The following ENTREP2 variants were observed in gnomAD, a reference collection of about 807,000 sequenced individuals.
ENTREP2 encodes protein ENTREP2.
At chr15:29,341,608 GC>G in the ENTREP2 span, among the ~76,000 whole-genome samples, 3 of 152,204 alleles carry the variant, frequency 2.0e-5, no homozygotes, top group East Asian at 5.8e-4. Context: ...CAGGACCCCT[GC>G]CCCTTGAAAG....
At chr15:29,315,520 A>T in the ENTREP2 span, among the ~76,000 whole-genome samples, 4 of 152,220 alleles carry the variant, frequency 2.6e-5, no homozygotes, top group Non-Finnish European at 5.9e-5. Context: ...GCCATATGGA[A>T]AAAGAAAAAT....
At chr15:29,358,277 T>C in the ENTREP2 span, among the ~76,000 whole-genome samples, 1 of 152,106 alleles carries the variant, frequency 6.6e-6, no homozygotes, top group Non-Finnish European at 1.5e-5. Context: ...GAGCTACACA[T>C]GAACACGTAT....
the ENTREP2 span, among the ~76,000 whole-genome samples, chr15:29,543,477 C>T: frequency 6.6e-6 from 1 of 152,118 alleles, no homozygotes; most frequent in Non-Finnish European, 1.5e-5. Flanking sequence ...ATACCTCAGG[C>T]TTAAAAAAAG....
chr15:29,570,220 G>A, the ENTREP2 span, among the ~76,000 whole-genome samples: 1 of 151,110 alleles, frequency 6.6e-6, no homozygotes, highest in Non-Finnish European at 1.5e-5. Flanking sequence ...TCCGGCCGCT[G>A]CGGGCTCGGA....
At chr15:29,577,349 T>TGTGTGTGAGAGA in the ENTREP2 span, among the ~76,000 whole-genome samples, 14 of 144,336 alleles carry the variant, frequency 9.7e-5, no homozygotes, top group African/African-American at 3.6e-4. Context: ...TGTGTGTGTG[T>TGTGTGTGAGAGA]GAGAGAGAGA....
At chr15:29,244,393 A>T in the ENTREP2 span, among the ~76,000 whole-genome samples, 6 of 152,264 alleles carry the variant, frequency 3.9e-5, no homozygotes, top group Non-Finnish European at 8.8e-5. Flanking sequence ...AGGGTGTTAA[A>T]AAATTCCAGT....
At chr15:29,654,416 A>T in the ENTREP2 span, among the ~76,000 whole-genome samples, 2 of 152,192 alleles carry the variant, frequency 1.3e-5, no homozygotes, top group Non-Finnish European at 2.9e-5. Context: ...CATTCATTGT[A>T]TACTGAAAGT....
At chr15:29,405,835 C>A in the ENTREP2 span, among the ~76,000 whole-genome samples, 10 of 152,368 alleles carry the variant, frequency 6.6e-5, no homozygotes, top group African/African-American at 2.4e-4. Flanking sequence ...TGTGCCCATG[C>A]TCCTGACCAG....
chr15:29,631,262 G>A, the ENTREP2 span, among the ~76,000 whole-genome samples: 3 of 152,056 alleles, frequency 2.0e-5, no homozygotes, highest in Non-Finnish European at 4.4e-5. Context: ...CTTCATGTGT[G>A]CTTTTGTTTG....
At chr15:29,485,550 G>A in the ENTREP2 span, among the ~76,000 whole-genome samples, 1 of 152,216 alleles carries the variant, frequency 6.6e-6, no homozygotes, top group African/African-American at 2.4e-5. Context: ...CCCTGGGACA[G>A]AAGATTACCA....
the ENTREP2 span, among the ~76,000 whole-genome samples, chr15:29,222,934 T>C: frequency 1.3e-5 from 2 of 152,256 alleles, no homozygotes; most frequent in Admixed American, 1.3e-4. Flanking sequence ...TACAATCTCA[T>C]GACTTTCAGA....
At chr15:29,432,695 G>A in the ENTREP2 span, among the ~76,000 whole-genome samples, 6 of 152,164 alleles carry the variant, frequency 3.9e-5, no homozygotes, top group Admixed American at 2.0e-4. Flanking sequence ...AAACAGCATG[G>A]CAGCCCACAC....
chr15:29,435,587 T>C, the ENTREP2 span, among the ~76,000 whole-genome samples: 2 of 152,028 alleles, frequency 1.3e-5, no homozygotes, highest in African/African-American at 4.8e-5. Flanking sequence ...TTGGTTCTAA[T>C]CAAACTCTGT....
At chr15:29,525,255 A>T in the ENTREP2 span, among the ~76,000 whole-genome samples, 2 of 152,276 alleles carry the variant, frequency 1.3e-5, no homozygotes, top group Admixed American at 1.3e-4. Context: ...TCCTAGGTAC[A>T]TACCCAAGAA....
At chr15:29,426,019 T>G in the ENTREP2 span, among the ~76,000 whole-genome samples, 4 of 150,218 alleles carry the variant, frequency 2.7e-5, no homozygotes, top group Admixed American at 2.7e-4. Context: ...ATTATTGAAT[T>G]TATATAATTA....
the ENTREP2 span, among the ~76,000 whole-genome samples, chr15:29,482,986 C>T: frequency 1.3e-5 from 2 of 152,242 alleles, no homozygotes; most frequent in Non-Finnish European, 1.5e-5. Context: ...TGTTGCTCCA[C>T]CTCCACATCA....
the ENTREP2 span, among the ~76,000 whole-genome samples, chr15:29,118,802 C>CACTTA: frequency 2.4e-4 from 36 of 151,744 alleles, no homozygotes; most frequent in Non-Finnish European, 4.3e-4. Flanking sequence ...GCTCTGCCAG[C>CACTTA]ACTTACCTTT....
At chr15:29,486,123 T>C in the ENTREP2 span, among the ~76,000 whole-genome samples, 36 of 152,052 alleles carry the variant, frequency 2.4e-4, no homozygotes, top group Non-Finnish European at 4.6e-4. Context: ...TGTCCATCAA[T>C]GGATAAAGAA....
At chr15:29,436,503 T>G in the ENTREP2 span, among the ~76,000 whole-genome samples, 2 of 152,348 alleles carry the variant, frequency 1.3e-5, no homozygotes, top group African/African-American at 4.8e-5. Context: ...CAGAGATTTC[T>G]TTTATAAGTT....
Sources: allele counts gnomAD v4.1 joint callset (sites outside exome capture counted in the v4.1 genomes callset), GRCh38; gene constraint gnomAD v4.1.1; transcripts MANE v1.5; gene names NCBI Gene and HGNC (gene_info 2026-07-23, HGNC 2026-07-21).